SLC35F1: variants seen among roughly 807,000 people sequenced by gnomAD.
The protein encoded by SLC35F1 is solute carrier family 35 member F1.
In SLC35F1, 14 loss-of-function variants were observed where a neutral mutation model predicts 48.7. The ratio of observed to expected loss-of-function variants is 0.29; its 90% CI spans 0.19 to 0.45. The LOEUF (loss-of-function observed/expected upper bound fraction) is 0.45, where lower values mean the gene tolerates loss of function less well. Ranked by LOEUF, SLC35F1 falls within the 20% of genes least tolerant of loss-of-function variation. The probability of loss-of-function intolerance (pLI) is 1.00; values close to 1 mark genes in which losing one functional copy is unlikely to be tolerated. For synonymous variants in SLC35F1, 190 were observed against 202.2 expected (o/e 0.94, Z 0.51); for missense variants, 404 against 500.0 (o/e 0.81, Z 1.83).
chr6:118,134,971 C>T (rs540308208), intron 1 of SLC35F1, among the ~76,000 whole-genome samples: 44 of 152,304 alleles, frequency 2.9e-4, no homozygotes, highest in African/African-American at 1.1e-3. Context: ...AGTTGGAAAG[C>T]TTCTTAACAG....
At chr6:118,288,620 T>C (rs1288179158) in intron 7 of SLC35F1, among the ~76,000 whole-genome samples, 1 of 152,178 alleles carries the variant, frequency 6.6e-6, no homozygotes, top group Non-Finnish European at 1.5e-5. Context: ...TTGTAAATGT[T>C]TCTTATCGTA....
At chr6:118,135,449 G>T (rs1420093820) in intron 1 of SLC35F1, among the ~76,000 whole-genome samples, 1 of 152,156 alleles carries the variant, frequency 6.6e-6, no homozygotes, top group Non-Finnish European at 1.5e-5. Flanking sequence ...GTGAAATAAA[G>T]AAGAGGCTAG....
intron 1 of SLC35F1, among the ~76,000 whole-genome samples, chr6:117,925,790 A>G (rs73517534): frequency 0.04 from 6,056 of 152,128 alleles, 426 homozygotes; most frequent in African/African-American, 0.14. Context: ...AATGGGCTCT[A>G]TGGTAGGTGT....
intron 1 of SLC35F1, among the ~76,000 whole-genome samples, chr6:118,056,881 A>T (rs1057315752): frequency 1.3e-5 from 2 of 152,116 alleles, no homozygotes; most frequent in African/African-American, 4.8e-5. Context: ...GTTAAGAATG[A>T]TTTGTCCTTG....
intron 1 of SLC35F1, among the ~76,000 whole-genome samples, chr6:117,937,917 G>A (rs951893320): frequency 6.6e-6 from 1 of 151,996 alleles, no homozygotes; most frequent in Non-Finnish European, 1.5e-5. Context: ...GAAGAGTTAG[G>A]TCATACTCTC....
chr6:117,987,922 A>C (rs938554535), intron 1 of SLC35F1, among the ~76,000 whole-genome samples: 1 of 152,138 alleles, frequency 6.6e-6, no homozygotes, highest in Non-Finnish European at 1.5e-5. Flanking sequence ...TGAAAAAAAT[A>C]GTTGTTTTTT....
intron 2 of SLC35F1, among the ~76,000 whole-genome samples, chr6:118,160,975 A>G (rs1774221813): frequency 6.6e-6 from 1 of 151,868 alleles, no homozygotes; most frequent in Non-Finnish European, 1.5e-5. Context: ...GTTTCTTCCA[A>G]CTCAATAAAG....
chr6:118,268,635 A>T, intron 4 of SLC35F1, among the ~76,000 whole-genome samples: 1 of 108,464 alleles, frequency 9.2e-6, no homozygotes, highest in East Asian at 2.7e-4. Context: ...TTTGAGACAG[A>T]GTCCCGCTCT....
At chr6:118,240,516 T>C (rs1296807792) in intron 3 of SLC35F1, among the ~76,000 whole-genome samples, 2 of 152,240 alleles carry the variant, frequency 1.3e-5, no homozygotes, top group Non-Finnish European at 2.9e-5. Context: ...GTGGTGAATG[T>C]ATATGTAAGC....
intron 6 of SLC35F1, among the ~76,000 whole-genome samples, chr6:118,284,463 A>G (rs1776026158): frequency 6.6e-6 from 1 of 152,166 alleles, no homozygotes; most frequent in African/African-American, 2.4e-5. Flanking sequence ...ATAATTACAG[A>G]GAAAGAGAGA....
intron 1 of SLC35F1, among the ~76,000 whole-genome samples, chr6:118,051,046 C>G (rs1048749637): frequency 6.6e-6 from 1 of 152,214 alleles, no homozygotes; most frequent in Admixed American, 6.5e-5. Flanking sequence ...ATTGTACATA[C>G]TTCATTAAAG....
intron 1 of SLC35F1, among the ~76,000 whole-genome samples, chr6:117,921,049 CTT>C (rs543133985): frequency 1.9e-5 from 2 of 104,520 alleles, no homozygotes; most frequent in Non-Finnish European, 4.0e-5. Context: ...CTCTATTTCT[CTT>C]TGACACACAC....
chr6:118,209,308 G>C (rs991961506), intron 2 of SLC35F1, among the ~76,000 whole-genome samples: 1 of 152,108 alleles, frequency 6.6e-6, no homozygotes, highest in African/African-American at 2.4e-5. Context: ...CCTGTCTTTT[G>C]GTATAGGAGT....
chr6:118,143,486 G>T (rs777779660), intron 1 of SLC35F1, among the ~76,000 whole-genome samples: 1 of 152,126 alleles, frequency 6.6e-6, no homozygotes, highest in Non-Finnish European at 1.5e-5. Flanking sequence ...TTTCATGTAA[G>T]ACTTCTTAAA....
chr6:118,035,927 C>T (rs953237198), intron 1 of SLC35F1, among the ~76,000 whole-genome samples: 4 of 151,890 alleles, frequency 2.6e-5, no homozygotes, highest in Non-Finnish European at 5.9e-5. Context: ...CTCCTGACCT[C>T]ATGATCCGCC....
intron 2 of SLC35F1, among the ~76,000 whole-genome samples, chr6:118,208,869 T>C (rs1438535729): frequency 2.6e-5 from 4 of 152,146 alleles, no homozygotes; most frequent in African/African-American, 4.8e-5. Context: ...CTCCTGCCCT[T>C]CTGTCTTCCA....
chr6:118,087,967 C>T (rs527602698), intron 1 of SLC35F1, among the ~76,000 whole-genome samples: 257 of 152,246 alleles, frequency 1.7e-3, no homozygotes, highest in African/African-American at 6.0e-3. Context: ...TGGTTTGAAT[C>T]TTCTTATAGA....
At chr6:117,922,992 C>T (rs1479656242) in intron 1 of SLC35F1, among the ~76,000 whole-genome samples, 2 of 152,130 alleles carry the variant, frequency 1.3e-5, no homozygotes, top group Non-Finnish European at 2.9e-5. Flanking sequence ...AAAATATGTT[C>T]AGGACCCTCC....
chr6:118,300,066 G>T (rs1776238467), intron 7 of SLC35F1, among the ~76,000 whole-genome samples: 1 of 152,174 alleles, frequency 6.6e-6, no homozygotes, highest in Admixed American at 6.5e-5. Context: ...AGTACAATCA[G>T]CCCTCTGTAT....
Sources: allele counts gnomAD v4.1 joint callset (sites outside exome capture counted in the v4.1 genomes callset), GRCh38; gene constraint gnomAD v4.1.1; transcripts MANE v1.5; gene names NCBI Gene and HGNC (gene_info 2026-07-23, HGNC 2026-07-21).